The following RBMS3 variants were observed in gnomAD, a reference collection of about 807,000 sequenced individuals.
RBMS3 encodes the protein RNA binding motif single stranded interacting protein 3.
In RBMS3, 27 loss-of-function variants were observed where a neutral mutation model predicts 66.8. The observed-to-expected ratio is 0.40, with a 90% CI of 0.30 to 0.56. RBMS3 has a LOEUF of 0.56. Among genes scored for constraint, RBMS3 ranks in the 20% least tolerant of loss-of-function variants. RBMS3 has a pLI of 0.40. For synonymous variants in RBMS3, 188 were observed against 183.0 expected (o/e 1.03, Z -0.22); for missense variants, 513 against 549.5 (o/e 0.93, Z 0.66).
chr3:29,933,608 ACT>A (rs1197308592), intron 10 of RBMS3, among the ~76,000 whole-genome samples: 1 of 151,948 alleles, frequency 6.6e-6, no homozygotes, highest in Non-Finnish European at 1.5e-5. Flanking sequence ...TGCAAACAAG[ACT>A]CTAGATTCTT....
chr3:29,994,081 G>A (rs962001806), intron 14 of RBMS3, among the ~76,000 whole-genome samples: 32 of 152,172 alleles, frequency 2.1e-4, no homozygotes, highest in Non-Finnish European at 3.5e-4. Flanking sequence ...TGCACCGTGC[G>A]CAAGCCGAAG....
chr3:29,552,068 GGA>G (rs2046198524), intron 3 of RBMS3, among the ~76,000 whole-genome samples: 1 of 152,026 alleles, frequency 6.6e-6, no homozygotes, highest in Admixed American at 6.6e-5. Flanking sequence ...ATTTGAATCA[GGA>G]GTATATTTCA....
At chr3:29,713,769 A>G (rs901100966) in intron 4 of RBMS3, among the ~76,000 whole-genome samples, 1 of 152,056 alleles carries the variant, frequency 6.6e-6, no homozygotes, top group African/African-American at 2.4e-5. Flanking sequence ...AAAATCTGTT[A>G]TTGGGCCAGG....
rs138920358 is a variant in RBMS3, at chr3:29,517,581, C to A, written c.307+29082C>A. On this transcript the variant is annotated intron_variant, in intron 3 of 14. Coordinates refer to ENST00000383767, the MANE Select transcript of RBMS3 (RefSeq NM_001003793.3). ...CTCGTGATCCGCCTTCCTCGGCCTC[C>A]CGAAGTGCTGGGATTACAGGCGTGA... 8.8e-3 allele frequency among the ~76,000 whole-genome samples: 1,339 copies of A among 152,106 alleles called. 12 individuals carry two copies. The highest frequency in any genetic ancestry group is 0.036 in the South Asian group (173 of 4,826).
intron 3 of RBMS3, among the ~76,000 whole-genome samples, chr3:29,559,756 A>G (rs1431720374): frequency 1.3e-5 from 2 of 152,124 alleles, no homozygotes; most frequent in Non-Finnish European, 2.9e-5. Flanking sequence ...AATGAATGAA[A>G]TCAATGAACC....
intron 6 of RBMS3, among the ~76,000 whole-genome samples, chr3:29,853,423 CTTTTTTTTTTTTT>C: frequency 1.2e-5 from 1 of 84,526 alleles, no homozygotes; most frequent in East Asian, 3.7e-4. Context: ...AATTTACTTT[CTTTTTTTTTTTTT>C]TTTTTTTTTG....
At chr3:29,692,137 A>G (rs537100832) in intron 4 of RBMS3, among the ~76,000 whole-genome samples, 4 of 151,636 alleles carry the variant, frequency 2.6e-5, no homozygotes, top group Admixed American at 1.3e-4. Flanking sequence ...GCCTGCCACT[A>G]TGCCAAGCTA....
chr3:29,504,423 C>T (rs890052985), intron 3 of RBMS3, among the ~76,000 whole-genome samples: 1 of 151,996 alleles, frequency 6.6e-6, no homozygotes, highest in African/African-American at 2.4e-5. Flanking sequence ...AGGCAGTGAG[C>T]AGGCCTCTTG....
At chr3:29,368,564 TA>T (rs34386292) in intron 1 of RBMS3, among the ~76,000 whole-genome samples, 26,035 of 146,740 alleles carry the variant, frequency 0.18, 2,254 homozygotes, top group Middle Eastern at 0.23. Context: ...AAGGAGCTGT[TA>T]AAAAAAAAAA....
intron 2 of RBMS3, among the ~76,000 whole-genome samples, chr3:29,459,537 A>G (rs1169880163): frequency 6.6e-6 from 1 of 152,214 alleles, no homozygotes; most frequent in Non-Finnish European, 1.5e-5. Flanking sequence ...GGTATTTATC[A>G]TCATGAGAAA....
In RBMS3 at chr3:29,932,582, A is replaced by G. The variant is rs929242236; in HGVS notation, c.940-3504A>G. 1.2e-4 allele frequency among the ~76,000 whole-genome samples: 18 copies of G among 152,304 alleles called. 1 individual carries two copies. The highest frequency in any genetic ancestry group is 1.0e-3 in the Admixed American group (16 of 15,296). On this transcript the variant is annotated intron_variant, in intron 10 of 14. Coordinates refer to ENST00000383767, the MANE Select transcript of RBMS3 (RefSeq NM_001003793.3). ...CTATCACAGGAATATTAATGCAGCT[A>G]GTTCTTCTTATTGTGGTTCATCTTC...
chr3:29,936,811 G>T (rs1006680170), intron 11 of RBMS3, among the ~76,000 whole-genome samples: 3 of 152,024 alleles, frequency 2.0e-5, no homozygotes, highest in Non-Finnish European at 4.4e-5. Flanking sequence ...GCCTATTGCA[G>T]CCTGGATTTT....
At chr3:29,985,408 A>AAT (rs748857900) in intron 12 of RBMS3, among the ~76,000 whole-genome samples, 155 of 152,070 alleles carry the variant, frequency 1.0e-3, no homozygotes, top group Middle Eastern at 3.4e-3. Context: ...GGGTATGAAA[A>AAT]AAAAAAGCTG....
In RBMS3 at chr3:29,949,241, T is replaced by C. The variant is rs182310456; in HGVS notation, c.1098+4987T>C. Among the ~76,000 whole-genome samples, 736 of 151,604 alleles carry C rather than the reference T, an allele frequency of 4.9e-3. 4 individuals are homozygous for C. The highest frequency in any genetic ancestry group is 0.017 in the African/African-American group (703 of 41,394). ...TTTCAGAGGATGGGATAGGTGGGTG[T>C]AAAATTCTATGCCTCATCTTCTAAT... On this transcript the variant is annotated intron_variant, in intron 12 of 14. Coordinates refer to ENST00000383767, the MANE Select transcript of RBMS3 (RefSeq NM_001003793.3).
Position 29,796,712 on chromosome 3 carries a change from C to CTTTT in RBMS3, c.637+33737_637+33740dup, listed in dbSNP as rs71295051. Among the ~76,000 whole-genome samples the CTTTT allele has an allele frequency of 8.2e-3, 948 of 115,250 alleles. 73 individuals carry two copies. Among genetic ancestry groups the CTTTT allele is most frequent in the African/African-American group, 0.033 (898 of 27,120 alleles). The allele number at this position is 115,250 out of a possible 152,430, so 75.6% of individuals were successfully genotyped here. On this transcript the variant is annotated intron_variant, in intron 6 of 14. Coordinates refer to ENST00000383767, the MANE Select transcript of RBMS3 (RefSeq NM_001003793.3). ...TGAGAAGTAATATTTTGAAAGGAAT[C>CTTTT]TTTTTTTTTTTTTTTTTGGAGATGG...
chr3:29,643,493 A>C (rs1267968446), intron 4 of RBMS3, among the ~76,000 whole-genome samples: 1 of 152,050 alleles, frequency 6.6e-6, no homozygotes, highest in African/African-American at 2.4e-5. Flanking sequence ...CTTAGCTTCA[A>C]GTTCTAAGTT....
At chr3:29,823,019 T>A (rs1320759594) in intron 6 of RBMS3, among the ~76,000 whole-genome samples, 2 of 152,180 alleles carry the variant, frequency 1.3e-5, no homozygotes, top group African/African-American at 4.8e-5. Flanking sequence ...TCACTTTTTC[T>A]AGCATTGAGG....
At chr3:29,463,960 A>G (rs898265599) in intron 2 of RBMS3, among the ~76,000 whole-genome samples, 5 of 152,162 alleles carry the variant, frequency 3.3e-5, no homozygotes, top group African/African-American at 1.2e-4. Flanking sequence ...TTCAGAATTG[A>G]CAGCCACCTA....
At chr3:29,827,148 G>A (rs1445337772) in intron 6 of RBMS3, among the ~76,000 whole-genome samples, 1 of 152,064 alleles carries the variant, frequency 6.6e-6, no homozygotes, top group Non-Finnish European at 1.5e-5. Context: ...TGGTCATGGG[G>A]GCTAGAACCT....
Sources: allele counts gnomAD v4.1 joint callset (sites outside exome capture counted in the v4.1 genomes callset), GRCh38; gene constraint gnomAD v4.1.1; transcripts MANE v1.5; gene names NCBI Gene and HGNC (gene_info 2026-07-23, HGNC 2026-07-21).